Variants in PPCDC observed in about 807,000 individuals in gnomAD.
The protein encoded by PPCDC is phosphopantothenoylcysteine decarboxylase.
Under a neutral mutation model 20.7 loss-of-function variants are expected in PPCDC, and 20 were observed. The ratio of observed to expected loss-of-function variants is 0.97; its 90% CI spans 0.68 to 1.41. PPCDC has a LOEUF of 1.41. Among genes scored for constraint, PPCDC ranks in the 40% most tolerant of loss-of-function variants. PPCDC has a pLI of 0.00. For missense variants in PPCDC, 246 were observed against 263.8 expected, an observed-to-expected ratio of 0.93 and a Z score of 0.47; for synonymous variants, 88 against 100.3, an observed-to-expected ratio of 0.88 and a Z score of 0.73.
chr15:75,040,512 C>T (rs1232181041), intron 2 of PPCDC, among the ~76,000 whole-genome samples: 1 of 151,982 alleles, frequency 6.6e-6, no homozygotes, highest in Non-Finnish European at 1.5e-5. Context: ...TCTTTTTATA[C>T]AAGATATTGA....
intron 2 of PPCDC, 104 bp from the exon 3 acceptor site, chr15:75,043,337 G>A: frequency 1.1e-6 from 1 of 933,680 alleles, no homozygotes; most frequent in Non-Finnish European, 1.6e-6. Flanking sequence ...GCCAGCCTGT[G>A]AAGACAGCAC....
intron 2 of PPCDC, among the ~76,000 whole-genome samples, 168 bp downstream of exon 2, chr15:75,028,621 G>C (rs1461328865): frequency 6.6e-6 from 1 of 152,218 alleles, no homozygotes. Context: ...TCAGGAGACA[G>C]AGACCAGTGC....
intron 4 of PPCDC, among the ~76,000 whole-genome samples, chr15:75,048,291 A>G (rs2066264481): frequency 6.6e-6 from 1 of 152,154 alleles, no homozygotes; most frequent in South Asian, 2.1e-4. Context: ...GAGGAGGCTT[A>G]GGCACAGGGA....
chr15:75,046,713 A>G (rs71434254), intron 4 of PPCDC, among the ~76,000 whole-genome samples: 14,306 of 152,344 alleles, frequency 0.094, 865 homozygotes, highest in Middle Eastern at 0.28. Context: ...CATCCCTGAA[A>G]GGAAGTTGAG....
At chr15:75,030,251 G>A (rs187557127) in intron 2 of PPCDC, among the ~76,000 whole-genome samples, 58 of 152,278 alleles carry the variant, frequency 3.8e-4, no homozygotes, top group Non-Finnish European at 6.8e-4. Context: ...TCCCTGAGAT[G>A]TTGGCTGGGG....
intron 3 of PPCDC, 104 bp from the exon 4 acceptor site, chr15:75,044,282 G>GCT: frequency 6.6e-7 from 1 of 1,515,070 alleles, no homozygotes. Context: ...GCCTGGGCAG[G>GCT]GCAGGTCAGT....
In PPCDC at chr15:75,034,997, C is replaced by T. The variant is rs549178203; in HGVS notation, c.135+6544C>T. Among the ~76,000 whole-genome samples the T allele has an allele frequency of 5.8e-3, 867 of 150,692 alleles. 6 individuals carry two copies. Among genetic ancestry groups the T allele is most frequent in the African/African-American group, 0.02 (818 of 40,960 alleles). On this transcript the variant is annotated intron_variant, in intron 2 of 5. Coordinates refer to ENST00000342932, the MANE Select transcript of PPCDC (RefSeq NM_021823.5). ...TAAATGTAAATTTGAATGTGGCAGC[C>T]GCTTGCCACATTCAAATTTAAATTT...
chr15:75,043,266 G>A, intron 2 of PPCDC, 175 bp from the exon 3 acceptor site: 1 of 583,792 alleles, frequency 1.7e-6, no homozygotes, highest in Non-Finnish European at 3.0e-6. Context: ...ACCTTTGGGT[G>A]ACAGCAGAAG....
At chr15:75,033,779 CA>C (rs779879477) in intron 2 of PPCDC, among the ~76,000 whole-genome samples, 2 of 152,142 alleles carry the variant, frequency 1.3e-5, no homozygotes, top group Non-Finnish European at 2.9e-5. Context: ...GCAGCCCTGT[CA>C]CCTGCTCCTC....
intron 2 of PPCDC, among the ~76,000 whole-genome samples, chr15:75,032,391 A>G (rs1595900850): frequency 6.6e-6 from 1 of 152,226 alleles, no homozygotes; most frequent in Non-Finnish European, 1.5e-5. Flanking sequence ...AGTGTGGAGT[A>G]AATTCTGACT....
chr15:75,037,287 T>G (rs1406517641), intron 2 of PPCDC, among the ~76,000 whole-genome samples: 1 of 152,102 alleles, frequency 6.6e-6, no homozygotes, highest in Admixed American at 6.6e-5. Context: ...AGGGAGGACA[T>G]GTAACCAGAG....
chr15:75,027,540 G>A (rs2065972350), intron 1 of PPCDC, among the ~76,000 whole-genome samples: 1 of 152,062 alleles, frequency 6.6e-6, no homozygotes, highest in African/African-American at 2.4e-5. Flanking sequence ...TTGGCTCCCT[G>A]GAGCACCCAA....
intron 4 of PPCDC, among the ~76,000 whole-genome samples, chr15:75,048,174 T>A (rs2066262735): frequency 6.6e-6 from 1 of 152,210 alleles, no homozygotes; most frequent in Admixed American, 6.5e-5. Context: ...GTCAAGTAGA[T>A]GAGCCCCACC....
chr15:75,037,488 T>C (rs2066099513), intron 2 of PPCDC, among the ~76,000 whole-genome samples: 1 of 152,218 alleles, frequency 6.6e-6, no homozygotes, highest in South Asian at 2.1e-4. Context: ...GGCTCATGCC[T>C]GTAATCCCAG....
intron 2 of PPCDC, 57 bp downstream of exon 2, chr15:75,028,510 C>A: frequency 6.2e-7 from 1 of 1,604,060 alleles, no homozygotes; most frequent in Non-Finnish European, 8.5e-7. Context: ...CCGGTGCTCC[C>A]GGGGATGGCC....
chr15:75,039,996 C>T (rs2066133886), intron 2 of PPCDC, among the ~76,000 whole-genome samples: 1 of 152,154 alleles, frequency 6.6e-6, no homozygotes, highest in Non-Finnish European at 1.5e-5. Context: ...GTTGGTCAGG[C>T]TGATCTCGAC....
At chr15:75,037,560 A>C (rs1177926486) in intron 2 of PPCDC, among the ~76,000 whole-genome samples, 1 of 152,118 alleles carries the variant, frequency 6.6e-6, no homozygotes, top group Non-Finnish European at 1.5e-5. Flanking sequence ...CAGCCTGGCC[A>C]ACATGGTGAA....
chr15:75,043,964 G>A (rs936989629), intron 3 of PPCDC, among the ~76,000 whole-genome samples: 1 of 152,144 alleles, frequency 6.6e-6, no homozygotes, highest in Admixed American at 6.5e-5. Context: ...GGGCCTCACA[G>A]GGGTTCCCTG....
At position 75,046,235 on chromosome 15, in the gene PPCDC, CCAG is replaced by C. The variant is rs1193330787; in HGVS notation, c.360+1727_360+1729del. Among the ~76,000 whole-genome samples the C allele has an allele frequency of 9.8e-5, 15 of 152,302 alleles. No homozygotes were observed. The East Asian group carries it at 1.5e-3, about 16-fold the overall frequency. On this transcript the variant is annotated intron_variant, in intron 4 of 5. Transcript: ENST00000342932. Reference sequence around the variant, plus strand: ...TGTCTCAAAAAAACAAAAAGGCTTCCCAGCAGCACTGGTGCCACAACTGACATG... The same window carrying C: ...TGTCTCAAAAAAACAAAAAGGCTTCCCAGCACTGGTGCCACAACTGACATG...
Sources: gnomAD v4.1 joint callset for allele counts (sites outside exome capture counted in the v4.1 genomes callset) on GRCh38, gnomAD v4.1.1 for gene constraint, MANE v1.5 for transcripts, NCBI Gene and HGNC (gene_info 2026-07-23, HGNC 2026-07-21) for gene names.